The following ELOVL6 variants were observed in gnomAD, a reference collection of about 807,000 sequenced individuals.
ELOVL6 encodes very long chain fatty acid elongase 6.
Under a neutral mutation model 31.7 loss-of-function variants are expected in ELOVL6, and 8 were observed. The observed-to-expected ratio is 0.25, with a 90% CI of 0.15 to 0.45. ELOVL6 has a LOEUF of 0.45. Among genes scored for constraint, ELOVL6 ranks in the 20% least tolerant of loss-of-function variants. ELOVL6 has a pLI of 1.00. For missense variants in ELOVL6, 126 were observed against 326.4 expected (o/e 0.39, Z 4.73); for synonymous variants, 101 against 117.7 (o/e 0.86, Z 0.92).
Position 110,051,855 on chromosome 4 carries a change from G to C in ELOVL6, c.374-93C>G. ...TAAGAGGGTAGACATCCTGAGCTAG[G>C]ACTGGAGAGTTACATAGACTGGATT... On this transcript the variant is annotated intron_variant, in intron 3 of 3. Coordinates refer to ENST00000302274, the MANE Select transcript of ELOVL6 (RefSeq NM_024090.3). The surrounding 1 kb of genome is among the most constrained non-coding windows in gnomAD (Gnocchi z 4.8). The C allele has an allele frequency of 1.9e-6, 2 of 1,068,100 alleles. No homozygotes were observed. The highest frequency in any genetic ancestry group is 2.2e-5 in the Admixed American group (1 of 45,542). The allele number at this position is 1,068,100 out of a possible 1,614,324, so 66.2% of individuals were successfully genotyped here.
At chr4:110,062,419 A>G (rs969583919) in intron 2 of ELOVL6, among the ~76,000 whole-genome samples, 2 of 152,178 alleles carry the variant, frequency 1.3e-5, no homozygotes, top group African/African-American at 4.8e-5. Flanking sequence ...TGACAGTGCT[A>G]CTGCTGGGGA....
At chr4:110,193,529 C>T (rs1759686109) in intron 1 of ELOVL6, among the ~76,000 whole-genome samples, 1 of 152,124 alleles carries the variant, frequency 6.6e-6, no homozygotes, top group Middle Eastern at 3.4e-3. Flanking sequence ...CACTGGAACC[C>T]GGAGGCAGAG....
intron 1 of ELOVL6, among the ~76,000 whole-genome samples, chr4:110,160,618 C>T (rs1758605171): frequency 6.6e-6 from 1 of 152,164 alleles, no homozygotes; most frequent in African/African-American, 2.4e-5. Flanking sequence ...TGAAATTATC[C>T]TCTCTAGGCT....
At chr4:110,139,188 A>C (rs1300356972) in intron 1 of ELOVL6, among the ~76,000 whole-genome samples, 1 of 152,138 alleles carries the variant, frequency 6.6e-6, no homozygotes, top group African/African-American at 2.4e-5. Context: ...TTTTTCTTCT[A>C]TGAAAGCCTA....
chr4:110,176,353 G>A (rs1038283359), intron 1 of ELOVL6, among the ~76,000 whole-genome samples: 2 of 152,028 alleles, frequency 1.3e-5, no homozygotes, highest in East Asian at 3.9e-4. Context: ...AACAGAGATG[G>A]GGTTTCACCA....
intron 2 of ELOVL6, among the ~76,000 whole-genome samples, chr4:110,088,624 C>T (rs1168711025): frequency 1.3e-5 from 2 of 152,128 alleles, no homozygotes. Context: ...AACCTTTCAC[C>T]TTTTCTCTTA....
intron 1 of ELOVL6, among the ~76,000 whole-genome samples, chr4:110,179,313 T>C (rs1759205796): frequency 6.6e-6 from 1 of 152,076 alleles, no homozygotes; most frequent in Non-Finnish European, 1.5e-5. Context: ...GAGACCAGCC[T>C]GGCCAACATG....
At chr4:110,120,894 G>A (rs1213939044) in intron 1 of ELOVL6, among the ~76,000 whole-genome samples, 2 of 146,284 alleles carry the variant, frequency 1.4e-5, no homozygotes, top group African/African-American at 2.5e-5. Context: ...TCTGCCTCCC[G>A]GGTTCAAGCG....
chr4:110,079,238 A>G (rs1197390105), intron 2 of ELOVL6, among the ~76,000 whole-genome samples: 3 of 152,222 alleles, frequency 2.0e-5, no homozygotes, highest in Non-Finnish European at 2.9e-5. Context: ...CACCAAGTGG[A>G]CCTAATAGAC....
intron 1 of ELOVL6, among the ~76,000 whole-genome samples, chr4:110,136,873 C>T (rs1757827896): frequency 6.6e-6 from 1 of 151,946 alleles, no homozygotes; most frequent in Admixed American, 6.6e-5. Flanking sequence ...GAAATAGAGG[C>T]CCAAAAAGAA....
At chr4:110,079,656 C>G (rs1281037319) in intron 2 of ELOVL6, among the ~76,000 whole-genome samples, 1 of 152,094 alleles carries the variant, frequency 6.6e-6, no homozygotes, top group Non-Finnish European at 1.5e-5. Context: ...CTAATTGACA[C>G]CCTAACATCA....
In ELOVL6 at chr4:110,059,983, T is replaced by G. The variant is rs1024181869; in HGVS notation, c.222-229A>C. The G allele has an allele frequency of 2.3e-5, 9 of 399,398 alleles. No homozygotes were observed. The Admixed American group carries it at 3.0e-4, about 13-fold the overall frequency. The allele number at this position is 399,398 out of a possible 1,614,324, so 24.7% of individuals were successfully genotyped here. A position where few individuals can be genotyped will look rare whatever the true frequency, so the allele number is the denominator to read the frequency against. On this transcript the variant is annotated intron_variant, in intron 2 of 3. Coordinates refer to ENST00000302274, the MANE Select transcript of ELOVL6 (RefSeq NM_024090.3). ...GATACCACTTCCTCTTCATCACTGT[T>G]CCAAAAAGAGGTCATGAAAAAGGGT...
chr4:110,070,687 T>C (rs1026289779), intron 2 of ELOVL6, among the ~76,000 whole-genome samples: 3 of 152,152 alleles, frequency 2.0e-5, no homozygotes, highest in African/African-American at 7.2e-5. Flanking sequence ...GTTCTTGTGA[T>C]AGTGAGTGAG....
intron 2 of ELOVL6, among the ~76,000 whole-genome samples, chr4:110,067,546 C>T (rs1045137041): frequency 3.3e-5 from 5 of 152,144 alleles, no homozygotes; most frequent in Non-Finnish European, 7.3e-5. Context: ...CAAACATGTC[C>T]TTCTTCACAC....
chr4:110,129,891 A>T (rs1194031447), intron 1 of ELOVL6, among the ~76,000 whole-genome samples: 19 of 93,532 alleles, frequency 2.0e-4, no homozygotes, highest in African/African-American at 2.9e-4. Context: ...ATCCAATCCA[A>T]TTTTTTTTTT....
intron 1 of ELOVL6, among the ~76,000 whole-genome samples, chr4:110,129,980 C>T (rs1411566320): frequency 6.7e-6 from 1 of 148,286 alleles, no homozygotes; most frequent in Non-Finnish European, 1.5e-5. Flanking sequence ...TCACTGCAGC[C>T]TCTGCCTCCC....
chr4:110,086,430 T>A (rs1756266234), intron 2 of ELOVL6, among the ~76,000 whole-genome samples: 1 of 152,242 alleles, frequency 6.6e-6, no homozygotes, highest in African/African-American at 2.4e-5. Context: ...ATCTCTTACA[T>A]CTAAATTATA....
chr4:110,167,550 T>G (rs1460152344), intron 1 of ELOVL6, among the ~76,000 whole-genome samples: 1 of 152,204 alleles, frequency 6.6e-6, no homozygotes, highest in Non-Finnish European at 1.5e-5. Context: ...TTTATTTTCT[T>G]GAGGCAGAGT....
At chr4:110,057,943 G>A (rs1180757827) in intron 3 of ELOVL6, among the ~76,000 whole-genome samples, 2 of 151,396 alleles carry the variant, frequency 1.3e-5, no homozygotes, top group African/African-American at 2.4e-5. Flanking sequence ...GAGAACAAGT[G>A]CTCTGATTCA....
Sources: gnomAD v4.1 joint callset for allele counts (sites outside exome capture counted in the v4.1 genomes callset) on GRCh38, gnomAD v4.1.1 for gene constraint, Gnocchi (gnomAD v3.1) non-coding constraint, MANE v1.5 for transcripts, NCBI Gene and HGNC (gene_info 2026-07-23, HGNC 2026-07-21) for gene names.